Variants in LMTK2 observed in about 807,000 individuals in gnomAD.
The protein encoded by LMTK2 is lemur tail kinase 2.
LMTK2 carries 37 observed loss-of-function variants against 127.5 expected under a neutral mutation model. The observed-to-expected ratio is 0.29, with a 90% CI of 0.22 to 0.38. LMTK2 has a LOEUF of 0.38. Among genes scored for constraint, LMTK2 ranks in the 10% least tolerant of loss-of-function variants. The pLI is 1.00. For synonymous variants in LMTK2, 819 were observed against 810.1 expected (o/e 1.01, Z -0.19); for missense variants, 1,694 against 1,920.3 (o/e 0.88, Z 2.20).
intron 7 of LMTK2, among the ~76,000 whole-genome samples, chr7:98,173,682 T>C (rs6948785): frequency 0.99 from 150,779 of 152,298 alleles, 74,657 homozygotes; most frequent in Middle Eastern, 1. Flanking sequence ...AATTTCAAAG[T>C]TTGTGGACTT....
intron 7 of LMTK2, among the ~76,000 whole-genome samples, chr7:98,179,572 C>T (rs979551460): frequency 6.8e-6 from 1 of 147,762 alleles, no homozygotes; most frequent in South Asian, 2.1e-4. Context: ...TGGCATGTTC[C>T]TCCTCCCTCT....
chr7:98,130,720 C>G (rs187166379), intron 1 of LMTK2, among the ~76,000 whole-genome samples: 1 of 152,202 alleles, frequency 6.6e-6, no homozygotes, highest in Non-Finnish European at 1.5e-5. Flanking sequence ...AGGCAGCCAG[C>G]TGCCAGAAGC....
rs1797530868 is a variant in LMTK2 at position 98,191,896 on chromosome 7, C to A, written c.1431C>A (p.Val477=). The change falls in exon 11 of 14, where the codon GTC becomes GTA. Residue 477 remains valine, a synonymous_variant. Transcript: ENST00000297293. ...GCCAGGGCCTGAGCTTCGAGTATGT[C>A]TGGGAGGCCGCTAAGCACGACCACT... The part of the protein sequence containing the change: ...ETSQGLSFEY[V]WEAAKHDHFD... 6.2e-7 allele frequency: 1 copy of A among 1,614,066 alleles called. No homozygotes were observed. The highest frequency in any genetic ancestry group is 1.1e-5 in the South Asian group (1 of 91,088).
chr7:98,162,855 A>G (rs1797035044), intron 6 of LMTK2, among the ~76,000 whole-genome samples: 1 of 152,246 alleles, frequency 6.6e-6, no homozygotes, highest in Non-Finnish European at 1.5e-5. Context: ...CGAAACCACT[A>G]TTCACAGTAG....
chr7:98,154,121 C>T (rs1250102655), intron 4 of LMTK2, among the ~76,000 whole-genome samples: 4 of 151,972 alleles, frequency 2.6e-5, no homozygotes, highest in Non-Finnish European at 5.9e-5. Context: ...TTTGGAATAC[C>T]TTGGCATTGT....
intron 9 of LMTK2, 141 bp from the exon 10 acceptor site, chr7:98,190,587 C>A: frequency 1.2e-6 from 1 of 846,064 alleles, no homozygotes; most frequent in African/African-American, 1.7e-5. Context: ...CTTAAAACAA[C>A]AACAACAACA....
intron 7 of LMTK2, among the ~76,000 whole-genome samples, chr7:98,180,487 G>T (rs1022218955): frequency 2.6e-5 from 4 of 152,212 alleles, no homozygotes; most frequent in Admixed American, 2.6e-4. Context: ...TGTCTGTGTG[G>T]AAAGTTCCTT....
intron 2 of LMTK2, among the ~76,000 whole-genome samples, chr7:98,140,147 CTTTTCT>C (rs1419550142): frequency 4.3e-4 from 27 of 62,706 alleles, no homozygotes; most frequent in South Asian, 3.5e-3. Flanking sequence ...TCTTTCTTTT[CTTTTCT>C]TTTCTTTTCT....
At chr7:98,186,685 T>C (rs1206058516) in intron 8 of LMTK2, among the ~76,000 whole-genome samples, 192 bp from the exon 9 acceptor site, 1 of 152,202 alleles carries the variant, frequency 6.6e-6, no homozygotes, top group African/African-American at 2.4e-5. Flanking sequence ...GATGAGGTCA[T>C]GAAGCCCAGG....
At chr7:98,186,479 T>C (rs1797436104) in intron 8 of LMTK2, among the ~76,000 whole-genome samples, 1 of 152,150 alleles carries the variant, frequency 6.6e-6, no homozygotes, top group Non-Finnish European at 1.5e-5. Flanking sequence ...TGGTAAATGG[T>C]AGAATGAGGA....
chr7:98,157,271 AGGT>A (rs1796939477), intron 5 of LMTK2, among the ~76,000 whole-genome samples: 3 of 151,526 alleles, frequency 2.0e-5, no homozygotes, highest in Admixed American at 2.0e-4. Context: ...GTAGGTAGGT[AGGT>A]AGGTAGGTAG....
intron 7 of LMTK2, among the ~76,000 whole-genome samples, chr7:98,180,546 C>T (rs993011918): frequency 6.8e-6 from 1 of 147,150 alleles, no homozygotes; most frequent in African/African-American, 2.7e-5. Flanking sequence ...TGAAAATTAA[C>T]TGTTTCTTAA....
intron 6 of LMTK2, among the ~76,000 whole-genome samples, chr7:98,163,839 G>A (rs1797050229): frequency 7.3e-6 from 1 of 137,012 alleles, no homozygotes; most frequent in Non-Finnish European, 1.5e-5. Flanking sequence ...GCAATACAAA[G>A]GGCACAAAGG....
At chr7:98,121,301 C>T (rs1796357699) in intron 1 of LMTK2, among the ~76,000 whole-genome samples, 1 of 152,134 alleles carries the variant, frequency 6.6e-6, no homozygotes, top group Admixed American at 6.5e-5. Flanking sequence ...ATAAGATTGC[C>T]TCTTGAAGTA....
Position 98,204,169 on chromosome 7 carries a change from C to T in LMTK2, c.4466C>T (p.Ser1489Leu), listed in dbSNP as rs1383830900. The T allele has an allele frequency of 3.7e-6, 6 of 1,607,270 alleles. No homozygotes were observed. The Admixed American group carries it at 5.0e-5, about 13-fold the overall frequency. ...TTTTCCCTCACACACCTGACCGACT[C>T]GGACATCGAGCAGGGCGGTGAGAGG... ...ASFSLTHLTD[S>L]DIEQGGSSED... Residue 1489 changes from serine (S) to leucine (L), a missense_variant, in exon 13 of 14, where the codon TCG (serine) becomes TTG (leucine). By Grantham distance (145) the Ser-to-Leu change is moderately radical (BLOSUM62 -2). Transcript: ENST00000297293.
chr7:98,123,431 A>G (rs2116334589), intron 1 of LMTK2, among the ~76,000 whole-genome samples: 1 of 152,094 alleles, frequency 6.6e-6, no homozygotes, highest in African/African-American at 2.4e-5. Flanking sequence ...GTGCCTTGTC[A>G]GCAGCTTAAA....
intron 11 of LMTK2, among the ~76,000 whole-genome samples, chr7:98,198,840 C>G (rs1255294087): frequency 6.6e-6 from 1 of 152,050 alleles, no homozygotes; most frequent in Non-Finnish European, 1.5e-5. Context: ...TTAGCTGCAC[C>G]CAGCAAATTT....
At position 98,190,720 on chromosome 7, in the gene LMTK2, T is replaced by A; in HGVS notation, c.999-8T>A. On this transcript the variant is annotated splice_polypyrimidine_tract_variant and splice_region_variant and intron_variant, in intron 9 of 13. Transcript: ENST00000297293. ...GAGAGAGAAACAGCCATTTTCTTTT[T>A]CCAACAGGTCTCTGGGTGTGACACT... The A allele has an allele frequency of 6.2e-7, 1 of 1,613,858 alleles. No individual in the cohort carries two copies. The highest frequency in any genetic ancestry group is 1.7e-4 in the Middle Eastern group (1 of 6,054).
intron 1 of LMTK2, among the ~76,000 whole-genome samples, chr7:98,109,406 T>A (rs988982479): frequency 2.0e-5 from 3 of 152,044 alleles, no homozygotes; most frequent in Admixed American, 6.6e-5. Context: ...TTTTGACGTG[T>A]TGCATATGAA....
Sources: allele counts gnomAD v4.1 joint callset (sites outside exome capture counted in the v4.1 genomes callset), GRCh38; gene constraint gnomAD v4.1.1; transcripts MANE v1.5; gene names NCBI Gene and HGNC (gene_info 2026-07-23, HGNC 2026-07-21).